AKT3: variants seen among roughly 807,000 people sequenced by gnomAD.
AKT3 encodes the protein RAC-gamma serine/threonine-protein kinase.
Under a neutral mutation model 65.3 loss-of-function variants are expected in AKT3, and 15 were observed. The ratio of observed to expected loss-of-function variants is 0.23; its 90% CI spans 0.15 to 0.35. The LOEUF is 0.35. Among genes scored for constraint, AKT3 ranks in the 10% least tolerant of loss-of-function variants. The pLI is 1.00. For missense variants in AKT3, 243 were observed against 576.5 expected (o/e 0.42, Z 5.92); for synonymous variants, 206 against 183.8 (o/e 1.12, Z -0.98).
intron 8 of AKT3, among the ~76,000 whole-genome samples, chr1:243,596,439 G>A (rs1355193392): frequency 6.6e-6 from 1 of 152,152 alleles, no homozygotes; most frequent in African/African-American, 2.4e-5. Context: ...TATTTGAATA[G>A]ACAGGTCACA....
intron 9 of AKT3, among the ~76,000 whole-genome samples, chr1:243,566,360 C>A (rs1294943093): frequency 1.3e-5 from 2 of 152,158 alleles, no homozygotes; most frequent in Non-Finnish European, 2.9e-5. Context: ...TTGCCCAGAA[C>A]TGAGGGGTTT....
chr1:243,713,747 A>T (rs886720925), intron 2 of AKT3, among the ~76,000 whole-genome samples: 1 of 7,098 alleles, frequency 1.4e-4, no homozygotes, highest in South Asian at 3.0e-3. Context: ...TTGCCTTAAT[A>T]AAAAAAAAAA....
chr1:243,814,110 A>G (rs1238180313), intron 2 of AKT3, among the ~76,000 whole-genome samples: 1 of 152,226 alleles, frequency 6.6e-6, no homozygotes, highest in Non-Finnish European at 1.5e-5. Context: ...ATTTTTAAAT[A>G]TATGTAAAGC....
chr1:243,722,042 A>T (rs1349937824), intron 2 of AKT3, among the ~76,000 whole-genome samples: 1 of 152,176 alleles, frequency 6.6e-6, no homozygotes, highest in Non-Finnish European at 1.5e-5. Flanking sequence ...CATTCCAAAT[A>T]ATTTCCAAAC....
chr1:243,509,796 G>A (rs193208377), intron 13 of AKT3, among the ~76,000 whole-genome samples: 102 of 152,180 alleles, frequency 6.7e-4, no homozygotes, highest in South Asian at 3.3e-3. Flanking sequence ...CTAAAGAGAC[G>A]GCTTCTCAGG....
At chr1:243,746,002 C>G (rs1688453377) in intron 2 of AKT3, among the ~76,000 whole-genome samples, 1 of 152,208 alleles carries the variant, frequency 6.6e-6, no homozygotes, top group Admixed American at 6.5e-5. Context: ...TCTGCATTAA[C>G]TCTAAAATTC....
chr1:243,602,462 C>T (rs1404159029), intron 8 of AKT3, among the ~76,000 whole-genome samples: 2 of 152,002 alleles, frequency 1.3e-5, no homozygotes, highest in Non-Finnish European at 2.9e-5. Flanking sequence ...TTTTAAAAAT[C>T]ATCACTATGA....
chr1:243,705,572 G>C (rs1685745501), intron 2 of AKT3, among the ~76,000 whole-genome samples: 1 of 152,136 alleles, frequency 6.6e-6, no homozygotes, highest in Non-Finnish European at 1.5e-5. Flanking sequence ...TCTTAATAGA[G>C]TTACAGTACC....
chr1:243,544,470 T>C (rs1483699550), intron 12 of AKT3, among the ~76,000 whole-genome samples: 1 of 151,786 alleles, frequency 6.6e-6, no homozygotes, highest in Non-Finnish European at 1.5e-5. Flanking sequence ...ACCAAAAACG[T>C]AGGCAGGTAT....
chr1:243,722,196 T>C (rs376007537), intron 2 of AKT3, among the ~76,000 whole-genome samples: 3 of 152,318 alleles, frequency 2.0e-5, no homozygotes, highest in East Asian at 3.9e-4. Context: ...CTGCTATATA[T>C]ATTCGTGTTG....
chr1:243,613,752 A>G lies in AKT3; in HGVS notation c.628-13T>C. On this transcript the variant is annotated splice_polypyrimidine_tract_variant and intron_variant, in intron 7 of 13. Transcript: ENST00000673466. ...AATATTTCAAGGACTTGAAATAAAA[A>G]AAAGAAAAAATGTTACATTATAATC... is the stretch of plus-strand genomic sequence containing the variant. 2 of 1,562,660 alleles carry G rather than the reference A, an allele frequency of 1.3e-6. No individual in the cohort carries two copies. The highest frequency in any genetic ancestry group is 1.7e-6 in the Non-Finnish European group (2 of 1,149,716).
intron 13 of AKT3, chr1:243,489,249 G>T: frequency 1.4e-6 from 2 of 1,429,436 alleles, no homozygotes; most frequent in Admixed American, 2.0e-5. Flanking sequence ...TCGGTTAGCA[G>T]TAAGCTGGGA....
intron 10 of AKT3, among the ~76,000 whole-genome samples, chr1:243,554,648 C>T (rs1673292515): frequency 6.6e-6 from 1 of 152,092 alleles, no homozygotes; most frequent in Non-Finnish European, 1.5e-5. Context: ...TGTTGGTGGG[C>T]CTTTATCTAA....
intron 2 of AKT3, among the ~76,000 whole-genome samples, chr1:243,784,963 G>A (rs1195646242): frequency 6.6e-6 from 1 of 151,726 alleles, no homozygotes; most frequent in Admixed American, 6.6e-5. Context: ...ACAGTCTCAC[G>A]ATATTGCCCA....
At chr1:243,539,921 C>T (rs1168479203) in intron 12 of AKT3, among the ~76,000 whole-genome samples, 1 of 152,084 alleles carries the variant, frequency 6.6e-6, no homozygotes, top group Admixed American at 6.6e-5. Flanking sequence ...AGCCCTGTAA[C>T]TATTAAATAA....
intron 12 of AKT3, among the ~76,000 whole-genome samples, chr1:243,514,806 GGGC>G (rs1364788011): frequency 1.3e-5 from 2 of 152,068 alleles, no homozygotes; most frequent in African/African-American, 4.8e-5. Context: ...AACCCGGCCG[GGGC>G]GAACGAGTAA....
intron 2 of AKT3, among the ~76,000 whole-genome samples, chr1:243,824,536 C>A (rs1223047288): frequency 6.6e-6 from 1 of 151,910 alleles, no homozygotes; most frequent in African/African-American, 2.4e-5. Flanking sequence ...TCAGAATCTA[C>A]AAAGACCTTA....
intron 2 of AKT3, among the ~76,000 whole-genome samples, chr1:243,770,476 A>T (rs1191813411): frequency 6.6e-6 from 1 of 152,150 alleles, no homozygotes; most frequent in Non-Finnish European, 1.5e-5. Flanking sequence ...TTTCAAGTAA[A>T]ACTAATTGCT....
chr1:243,659,771 T>C (rs1282656350), intron 4 of AKT3, among the ~76,000 whole-genome samples: 1 of 152,160 alleles, frequency 6.6e-6, no homozygotes, highest in Non-Finnish European at 1.5e-5. Flanking sequence ...TTATGACAGG[T>C]AAAAATTTTA....
Sources: allele counts gnomAD v4.1 joint callset (sites outside exome capture counted in the v4.1 genomes callset), GRCh38; gene constraint gnomAD v4.1.1; transcripts MANE v1.5; gene names NCBI Gene and HGNC (gene_info 2026-07-23, HGNC 2026-07-21).